DMD: variants seen among roughly 807,000 people sequenced by gnomAD.
The protein encoded by DMD is dystrophin.
A neutral mutation model predicts 330.1 loss-of-function variants in DMD; 63 were observed. The ratio of observed to expected loss-of-function variants is 0.19; its 90% CI spans 0.16 to 0.24. The LOEUF (loss-of-function observed/expected upper bound fraction) is 0.24. Ranked by LOEUF, DMD falls within the 10% of genes least tolerant of loss-of-function variation. The pLI, the probability that DMD is intolerant of heterozygous loss-of-function variation, is 1.00. For synonymous variants in DMD, 1,223 were observed against 959.8 expected (o/e 1.27, Z -5.07); for missense variants, 3,344 against 2,684.1 (o/e 1.25, Z -5.43).
intron 21 of DMD, among the ~76,000 whole-genome samples, chrX:32,474,769 T>G (rs996692420): frequency 9.0e-6 from 1 of 111,696 alleles, no homozygotes; most frequent in Non-Finnish European, 1.9e-5. Context: ...TTGTCAGATG[T>G]ATAGATTGTG....
At position 32,691,489 on chromosome X, in the gene DMD, T is replaced by C. The variant is rs753188769; in HGVS notation, c.960+6381A>G. On this transcript the variant is annotated intron_variant, in intron 9 of 78. Coordinates refer to ENST00000357033, the MANE Select transcript of DMD (RefSeq NM_004006.3). The stretch of plus-strand genomic sequence containing the variant: ...GAATGAGCTATCACATTTATACCTG[T>C]TGGATGCCTACTATTAAAAAATGGA... 4.5e-5 allele frequency among the ~76,000 whole-genome samples: 5 copies of C among 111,670 alleles called. No homozygotes were observed. In the South Asian group the frequency reaches 1.1e-3, roughly 25 times the overall value.
intron 45 of DMD, among the ~76,000 whole-genome samples, chrX:31,951,177 A>ATATATG (rs2095173310): frequency 2.2e-5 from 2 of 90,429 alleles, no homozygotes; most frequent in African/African-American, 4.0e-5. Flanking sequence ...ATATATATGT[A>ATATATG]TATATATATA....
intron 44 of DMD, among the ~76,000 whole-genome samples, chrX:32,164,746 A>G (rs1475830551): frequency 9.0e-6 from 1 of 110,760 alleles, no homozygotes; most frequent in African/African-American, 3.3e-5. Context: ...GGCTCCTCCC[A>G]TCACAGACCC....
At chrX:32,503,643 C>T (rs1223139242) in intron 18 of DMD, among the ~76,000 whole-genome samples, 6 of 111,115 alleles carry the variant, frequency 5.4e-5, no homozygotes, top group Non-Finnish European at 7.6e-5. Flanking sequence ...GCAACCTCTG[C>T]CTCCCGGGTT....
intron 44 of DMD, among the ~76,000 whole-genome samples, chrX:32,129,757 A>G (rs927445881): frequency 9.7e-5 from 10 of 102,874 alleles, no homozygotes; most frequent in South Asian, 4.5e-4. Flanking sequence ...GAGAGAGAGA[A>G]AATTGGTAAT....
chrX:33,122,234 C>G (rs888444761), intron 1 of DMD, among the ~76,000 whole-genome samples: 7 of 111,873 alleles, frequency 6.3e-5, no homozygotes, highest in African/African-American at 2.3e-4. Context: ...CAAAAACAAA[C>G]AAACAAACAA....
chrX:32,565,908 T>G (rs374905028), intron 15 of DMD, 27 bp from the exon 16 acceptor site: 28 of 1,175,010 alleles, frequency 2.4e-5, no homozygotes, highest in Non-Finnish European at 3.2e-5. Flanking sequence ...GATCACAGAA[T>G]AAGCCTGGGT....
chrX:31,480,541 G>T (rs995768185), intron 57 of DMD, among the ~76,000 whole-genome samples: 1 of 96,526 alleles, frequency 1.0e-5, no homozygotes, highest in Non-Finnish European at 2.1e-5. Context: ...TATTTCACTT[G>T]AAATCTCCAT....
intron 44 of DMD, 65 bp downstream of exon 44, chrX:32,216,851 G>T (rs1167894623): frequency 7.2e-5 from 74 of 1,021,637 alleles, no homozygotes; most frequent in Non-Finnish European, 9.7e-5. Flanking sequence ...TGATCTTTAA[G>T]AAGTTAAAGA....
At chrX:31,769,942 C>T (rs2090239669) in intron 51 of DMD, among the ~76,000 whole-genome samples, 1 of 111,618 alleles carries the variant, frequency 9.0e-6, no homozygotes, top group Non-Finnish European at 1.9e-5. Context: ...TCAAAGTTTT[C>T]TGCTCCCTTC....
In DMD at chrX:32,024,206, C is replaced by T. The variant is rs772833508; in HGVS notation, c.6439-55692G>A. On this transcript the variant is annotated intron_variant, in intron 44 of 78. Coordinates refer to ENST00000357033, the MANE Select transcript of DMD (RefSeq NM_004006.3). ...TCGCTTAAAATATTTATGTATGGGC[C>T]GGGTGTAGTGGCTCATGCATGTAAT... Among the ~76,000 whole-genome samples the T allele has an allele frequency of 1.3e-3, 143 of 111,639 alleles. 1 individual carries two copies. Among genetic ancestry groups the T allele is most frequent in the Non-Finnish European group, 1.6e-3 (85 of 53,054 alleles).
intron 2 of DMD, among the ~76,000 whole-genome samples, chrX:32,913,157 T>C (rs2087451652): frequency 9.0e-6 from 1 of 111,495 alleles, no homozygotes; most frequent in African/African-American, 3.3e-5. Flanking sequence ...AAAACGATTT[T>C]CCCCCTAGTT....
chrX:32,463,362 G>C, intron 25 of DMD, 77 bp downstream of exon 25: 2 of 982,888 alleles, frequency 2.0e-6, no homozygotes, highest in Non-Finnish European at 2.7e-6. Flanking sequence ...TTAACCAAAA[G>C]TAACGGTGAA....
chrX:31,512,630 A>C (rs2071743780), intron 55 of DMD, among the ~76,000 whole-genome samples: 1 of 110,079 alleles, frequency 9.1e-6, no homozygotes, highest in African/African-American at 3.3e-5. Context: ...GGTTTGTTAA[A>C]GATCAGATAG....
chrX:32,738,312 G>C (rs769406592), intron 7 of DMD, among the ~76,000 whole-genome samples: 18 of 111,436 alleles, frequency 1.6e-4, no homozygotes, highest in Non-Finnish European at 1.9e-5. Context: ...AATCTATGCA[G>C]ACATCCCAAA....
intron 55 of DMD, among the ~76,000 whole-genome samples, chrX:31,547,856 T>TATTC (rs1316699603): frequency 1.8e-5 from 2 of 112,078 alleles, no homozygotes; most frequent in East Asian, 5.6e-4. Context: ...AAGATGAAAG[T>TATTC]ATTCAAGTGG....
Position 32,197,000 on chromosome X carries a change from A to ACAAAAC in DMD, c.6438+19915_6438+19916insGTTTTG, listed in dbSNP as rs1557206017. Among the ~76,000 whole-genome samples the ACAAAAC allele has an allele frequency of 4.3e-5, 4 of 93,901 alleles. No homozygotes were observed. In the Admixed American group the frequency reaches 5.4e-4, roughly 13 times the overall value. The allele number at this position is 93,901 out of a possible 115,157, so 81.5% of individuals were successfully genotyped here. On this transcript the variant is annotated intron_variant, in intron 44 of 78. Coordinates refer to ENST00000357033, the MANE Select transcript of DMD (RefSeq NM_004006.3). ...AGACTCCATCTCAAAAAAAAAAAAA[A>ACAAAAC]AAAAACAAAAACAAAAGAAAAAACA...
intron 7 of DMD, among the ~76,000 whole-genome samples, chrX:32,781,058 C>T (rs1419814038): frequency 1.9e-5 from 2 of 106,334 alleles, no homozygotes; most frequent in Non-Finnish European, 3.9e-5. Flanking sequence ...GCGGAGCTTG[C>T]AGTGAGCCGA....
At chrX:32,647,984 G>C (rs1316561522) in intron 9 of DMD, among the ~76,000 whole-genome samples, 1 of 111,812 alleles carries the variant, frequency 8.9e-6, no homozygotes, top group Non-Finnish European at 1.9e-5. Flanking sequence ...TAACTATCTT[G>C]AGTTCAAATA....
Sources: gnomAD v4.1 joint callset for allele counts (sites outside exome capture counted in the v4.1 genomes callset) on GRCh38, gnomAD v4.1.1 for gene constraint, MANE v1.5 for transcripts, NCBI Gene and HGNC (gene_info 2026-07-23, HGNC 2026-07-21) for gene names.